Variants in MAF observed in about 807,000 individuals in gnomAD.
The protein encoded by MAF is transcription factor Maf.
MAF carries 10 observed loss-of-function variants against 22.0 expected under a neutral mutation model. The observed-to-expected ratio is 0.45, with a 90% CI of 0.28 to 0.77. The LOEUF is 0.77. Ranked by LOEUF, MAF falls within the 30% of genes least tolerant of loss-of-function variation. The pLI, the probability that MAF is intolerant of heterozygous loss-of-function variation, is 0.12. For synonymous variants in MAF, 337 were observed against 255.8 expected, an observed-to-expected ratio of 1.32 and a Z score of -3.03; for missense variants, 544 against 548.4, an observed-to-expected ratio of 0.99 and a Z score of 0.08.
chr16:79,320,568 G>C, the MAF span, among the ~76,000 whole-genome samples: 1 of 152,162 alleles, frequency 6.6e-6, no homozygotes, highest in African/African-American at 2.4e-5. Context: ...CTTATGCAAC[G>C]TTGTCTCTCG....
Position 79,599,498 on chromosome 16 carries a change from C to T in MAF, c.405G>A (p.Ala135=). ...CCCCGGCCGCCGCGGCCAGCTGCTG[C>T]GCCCCGCGCGCGTAGCCATCGAAGC... The part of the protein sequence containing the change: ...QGGFDGYARG[A]QQLAAAAGAG... Residue 135 remains alanine, a synonymous_variant, in exon 1 of 2, where the codon GCG becomes GCA. Transcript: ENST00000326043. 3.3e-6 allele frequency: 5 copies of T among 1,500,388 alleles called. No individual in the cohort carries two copies. The highest frequency in any genetic ancestry group is 4.4e-6 in the Non-Finnish European group (5 of 1,128,650). The allele number at this position is 1,500,388 out of a possible 1,614,324, so 92.9% of individuals were successfully genotyped here. A position where few individuals can be genotyped will look rare whatever the true frequency, so the allele number is the denominator to read the frequency against.
chr16:79,350,582 AG>A, the MAF span, among the ~76,000 whole-genome samples: 1 of 152,102 alleles, frequency 6.6e-6, no homozygotes, highest in South Asian at 2.1e-4. Flanking sequence ...GCATCCCTCC[AG>A]GCCCCACGCT....
At chr16:79,364,645 G>A in the MAF span, among the ~76,000 whole-genome samples, 3 of 152,296 alleles carry the variant, frequency 2.0e-5, no homozygotes, top group East Asian at 1.9e-4. Context: ...GAACAGTTTC[G>A]TGGTGTCAGT....
At chr16:79,328,609 C>T in the MAF span, among the ~76,000 whole-genome samples, 2 of 152,308 alleles carry the variant, frequency 1.3e-5, no homozygotes, top group South Asian at 2.1e-4. Flanking sequence ...GGCACTTGAA[C>T]GAAGACAAAG....
At chr16:79,208,274 C>A in the MAF span, among the ~76,000 whole-genome samples, 3 of 152,074 alleles carry the variant, frequency 2.0e-5, no homozygotes, top group Admixed American at 1.3e-4. Context: ...AGTCCTGTGT[C>A]GTCAACAACC....
chr16:79,366,823 G>A, the MAF span, among the ~76,000 whole-genome samples: 4 of 152,152 alleles, frequency 2.6e-5, no homozygotes, highest in African/African-American at 9.7e-5. Context: ...TTGAGATTGG[G>A]GCATTGTTTG....
At chr16:79,359,928 A>G in the MAF span, among the ~76,000 whole-genome samples, 1 of 152,166 alleles carries the variant, frequency 6.6e-6, no homozygotes, top group Non-Finnish European at 1.5e-5. Flanking sequence ...TTAGATTGCC[A>G]TCTTATAACA....
At chr16:79,222,904 C>T in the MAF span, among the ~76,000 whole-genome samples, 1 of 152,160 alleles carries the variant, frequency 6.6e-6, no homozygotes, top group Non-Finnish European at 1.5e-5. Flanking sequence ...ACTTAGACTA[C>T]CACACAGTAA....
At chr16:79,350,198 C>G in the MAF span, among the ~76,000 whole-genome samples, 133 of 152,304 alleles carry the variant, frequency 8.7e-4, no homozygotes, top group African/African-American at 3.1e-3. Flanking sequence ...AAAGCATGGA[C>G]TCTATGGACC....
the MAF span, among the ~76,000 whole-genome samples, chr16:79,543,681 TTTTTTTTTC>T: frequency 2.0e-5 from 3 of 149,290 alleles, no homozygotes; most frequent in Non-Finnish European, 4.4e-5. Flanking sequence ...TTTTTCTTTT[TTTTTTTTTC>T]TTTTTTTTTT....
chr16:79,453,582 G>A, the MAF span, among the ~76,000 whole-genome samples: 3 of 152,180 alleles, frequency 2.0e-5, no homozygotes, highest in South Asian at 2.1e-4. Flanking sequence ...AAAAGAAACT[G>A]GGAAAGGTCG....
the MAF span, among the ~76,000 whole-genome samples, chr16:79,346,778 C>T: frequency 3.9e-5 from 6 of 152,148 alleles, no homozygotes; most frequent in South Asian, 2.1e-4. Context: ...AGGGGCATCA[C>T]GTAGAGATCT....
the MAF span, among the ~76,000 whole-genome samples, chr16:79,208,615 T>C: frequency 2.1e-5 from 3 of 141,800 alleles, no homozygotes; most frequent in Non-Finnish European, 3.0e-5. Context: ...CTGATGGTGA[T>C]TAAAGTGCTC....
the MAF span, among the ~76,000 whole-genome samples, chr16:79,575,235 A>G: frequency 6.6e-6 from 1 of 152,112 alleles, no homozygotes; most frequent in Non-Finnish European, 1.5e-5. Context: ...CCTATTGTGA[A>G]GTGGTCATTG....
At chr16:79,295,809 C>T in the MAF span, among the ~76,000 whole-genome samples, 1 of 152,214 alleles carries the variant, frequency 6.6e-6, no homozygotes, top group East Asian at 1.9e-4. Context: ...TTAATTCTCC[C>T]AGTGGCTCCT....
At chr16:79,523,204 T>A in the MAF span, among the ~76,000 whole-genome samples, 747 of 152,316 alleles carry the variant, frequency 4.9e-3, 6 homozygotes, top group Non-Finnish European at 6.0e-3. Context: ...CAAAGGGGCA[T>A]CTGTTTGACT....
In MAF at chr16:79,599,802, T is replaced by C. The variant is rs2143818962; in HGVS notation, c.101A>G (p.Lys34Arg). Residue 34 changes from lysine to arginine, a missense_variant, in exon 1 of 2, where the codon AAG becomes AGG. By Grantham distance (26) the Lys-to-Arg change is conservative. Coordinates refer to ENST00000326043, the MANE Select transcript of MAF (RefSeq NM_005360.5). The stretch of plus-strand genomic sequence containing the variant: ...GATGCGGTCGGTCTCCACCGGTTCC[T>C]TTTTCACTTCAAACTTCATCAGATC... ...DFDLMKFEVK[K>R]EPVETDRIIS... 6.2e-7 allele frequency: 1 copy of C among 1,612,644 alleles called. No homozygotes were observed.
the MAF span, among the ~76,000 whole-genome samples, chr16:79,361,975 G>A: frequency 9.0e-4 from 137 of 152,276 alleles, no homozygotes; most frequent in Middle Eastern, 0.014. Flanking sequence ...CCCAAATTCT[G>A]CCAAGACAGA....
chr16:79,381,449 G>A, the MAF span, among the ~76,000 whole-genome samples: 1 of 152,120 alleles, frequency 6.6e-6, no homozygotes, highest in Non-Finnish European at 1.5e-5. Context: ...AAGAAAAAAC[G>A]AACTCTAGAG....
Sources: gnomAD v4.1 joint callset for allele counts (sites outside exome capture counted in the v4.1 genomes callset) on GRCh38, gnomAD v4.1.1 for gene constraint, MANE v1.5 for transcripts, NCBI Gene and HGNC (gene_info 2026-07-23, HGNC 2026-07-21) for gene names.